The following NOL4L variants were observed in gnomAD, a reference collection of about 807,000 sequenced individuals.
NOL4L encodes the protein nucleolar protein 4 like.
Under a neutral mutation model 64.5 loss-of-function variants are expected in NOL4L, and 7 were observed. That is an observed-to-expected ratio of 0.11 (90% CI 0.06 to 0.20). NOL4L has a LOEUF of 0.20. Ranked by LOEUF, NOL4L falls within the 10% of genes least tolerant of loss-of-function variation. The pLI, the probability that NOL4L is intolerant of heterozygous loss-of-function variation, is 1.00. For missense variants in NOL4L, 680 were observed against 967.1 expected (o/e 0.70, Z 3.94); for synonymous variants, 413 against 401.0 (o/e 1.03, Z -0.36).
At position 32,553,693 on chromosome 20, in the gene NOL4L, G is replaced by A. The variant is rs114321772; in HGVS notation, c.322-25780C>T. ...TAGCACCAAGAACAGATCAATGCACGTTGTAGGTGCTCAGAAATATTTGTC... is the reference window on the plus strand; with the variant it reads ...TAGCACCAAGAACAGATCAATGCACATTGTAGGTGCTCAGAAATATTTGTC... On this transcript the variant is annotated intron_variant, in intron 1 of 10. Coordinates refer to ENST00000621426, the MANE Select transcript of NOL4L (RefSeq NM_001256798.2). Among the ~76,000 whole-genome samples, 341 of 152,338 alleles carry A rather than the reference G, an allele frequency of 2.2e-3. 3 individuals carry two copies. Among genetic ancestry groups the A allele is most frequent in the African/African-American group, 7.7e-3 (322 of 41,566 alleles).
At chr20:32,516,760 G>C (rs2017684304) in intron 3 of NOL4L, among the ~76,000 whole-genome samples, 1 of 152,214 alleles carries the variant, frequency 6.6e-6, no homozygotes, top group Non-Finnish European at 1.5e-5. Context: ...GAGGGATGTG[G>C]AGGGGCCAGG....
rs145338987 is a variant in NOL4L at position 32,471,983 on chromosome 20, C to T, written c.841+2618G>A. 3.3e-4 allele frequency among the ~76,000 whole-genome samples: 51 copies of T among 152,286 alleles called. 1 individual carries two copies. In the East Asian group the frequency reaches 8.9e-3, roughly 27 times the overall value. On this transcript the variant is annotated intron_variant, in intron 5 of 10. Coordinates refer to ENST00000621426, the MANE Select transcript of NOL4L (RefSeq NM_001256798.2). ...ATAAACCTCTTTTCTTTATAAATTACCCAGCCTCAGGTATTCCTTTATAGC... is the reference window on the plus strand; with the variant it reads ...ATAAACCTCTTTTCTTTATAAATTATCCAGCCTCAGGTATTCCTTTATAGC...
chr20:32,491,586 C>A (rs1475679666), intron 4 of NOL4L, among the ~76,000 whole-genome samples: 3 of 152,336 alleles, frequency 2.0e-5, no homozygotes, highest in African/African-American at 7.2e-5. Context: ...ACTCGGGCCC[C>A]TTCCTGCCCA....
chr20:32,448,725 C>G (rs188027654), intron 10 of NOL4L, among the ~76,000 whole-genome samples: 2 of 152,318 alleles, frequency 1.3e-5, no homozygotes, highest in Admixed American at 1.3e-4. Flanking sequence ...AAAGAGGGAG[C>G]CTGCCATCTT....
chr20:32,584,423 G>C (rs1980757288), intron 1 of NOL4L, 147 bp downstream of exon 1: 1 of 595,416 alleles, frequency 1.7e-6, no homozygotes, highest in Non-Finnish European at 2.5e-6. Context: ...CCGGTGAGCA[G>C]GGACGCGTGC....
intron 3 of NOL4L, among the ~76,000 whole-genome samples, chr20:32,517,057 C>T (rs903770594): frequency 1.3e-5 from 2 of 152,202 alleles, no homozygotes; most frequent in Non-Finnish European, 2.9e-5. Flanking sequence ...TCAGGAGGTC[C>T]TGGAATTTCC....
At chr20:32,560,313 C>CT (rs1001019729) in intron 1 of NOL4L, among the ~76,000 whole-genome samples, 2 of 152,162 alleles carry the variant, frequency 1.3e-5, no homozygotes, top group Non-Finnish European at 1.5e-5. Context: ...CACACTTAGG[C>CT]TGAGGAGGGG....
intron 2 of NOL4L, among the ~76,000 whole-genome samples, chr20:32,525,272 C>T (rs996049743): frequency 2.0e-5 from 3 of 152,304 alleles, no homozygotes; most frequent in East Asian, 1.9e-4. Context: ...TGCTGGACAC[C>T]GAAGGGGCCA....
intron 5 of NOL4L, chr20:32,465,276 C>G (rs534108639): frequency 4.8e-6 from 2 of 419,882 alleles, no homozygotes; most frequent in Non-Finnish European, 8.4e-6. Context: ...GGGAAGTCAC[C>G]GACCCATCAC....
At chr20:32,500,239 T>G (rs2016863102) in intron 4 of NOL4L, among the ~76,000 whole-genome samples, 1 of 152,168 alleles carries the variant, frequency 6.6e-6, no homozygotes, top group African/African-American at 2.4e-5. Flanking sequence ...ATACAAAATA[T>G]ATAGAGATGA....
chr20:32,462,883 G>A (rs1286383710), intron 5 of NOL4L, among the ~76,000 whole-genome samples: 1 of 115,866 alleles, frequency 8.6e-6, no homozygotes, highest in Non-Finnish European at 1.7e-5. Context: ...TCAGCCTGGC[G>A]ACAAAGCGAG....
chr20:32,548,806 A>T, intron 1 of NOL4L: 1 of 450,488 alleles, frequency 2.2e-6, no homozygotes, highest in Non-Finnish European at 4.4e-6. Context: ...AGAGCAGAAT[A>T]TCATAAACAA....
chr20:32,574,092 A>G (rs778841366), intron 1 of NOL4L, among the ~76,000 whole-genome samples: 2 of 152,196 alleles, frequency 1.3e-5, no homozygotes, highest in Non-Finnish European at 2.9e-5. Flanking sequence ...AGAAGGGGTC[A>G]GGGATCAAAG....
intron 3 of NOL4L, among the ~76,000 whole-genome samples, chr20:32,514,537 T>G (rs1380898888): frequency 6.6e-6 from 1 of 151,420 alleles, no homozygotes; most frequent in African/African-American, 2.4e-5. Context: ...GCTAAGAAAC[T>G]GGCCTGAAAG....
chr20:32,574,713 G>A (rs1044121266), intron 1 of NOL4L, among the ~76,000 whole-genome samples: 3 of 152,052 alleles, frequency 2.0e-5, no homozygotes, highest in African/African-American at 4.8e-5. Context: ...GGTCCCAGCC[G>A]GGAGGGGAGG....
At chr20:32,452,700 G>C (rs1177949308) in intron 9 of NOL4L, among the ~76,000 whole-genome samples, 184 bp downstream of exon 9, 1 of 152,114 alleles carries the variant, frequency 6.6e-6, no homozygotes, top group Non-Finnish European at 1.5e-5. Flanking sequence ...TATGAGGTCT[G>C]AGGAGCTCTG....
intron 1 of NOL4L, among the ~76,000 whole-genome samples, chr20:32,564,713 T>C (rs1979312528): frequency 6.6e-6 from 1 of 152,238 alleles, no homozygotes; most frequent in African/African-American, 2.4e-5. Flanking sequence ...GTGTGGGCAC[T>C]GGGGAAAGTA....
Position 32,453,274 on chromosome 20 carries a change from GA to G in NOL4L, c.1497+29del. On this transcript the variant is annotated intron_variant, in intron 8 of 10. Transcript: ENST00000621426. This position sits in a 1 kb window ranked among gnomAD's most constrained non-coding sequence, Gnocchi z 5.6. ...CAGGAGGTCAGTAGTGGCACCGAGG[GA>G]AAGTGTGGGCCAGGCAGGGGGGACT... 1 of 1,604,258 alleles carries G rather than the reference GA, an allele frequency of 6.2e-7. No individual in the cohort carries two copies. The highest frequency in any genetic ancestry group is 8.5e-7 in the Non-Finnish European group (1 of 1,173,336).
At chr20:32,518,919 G>A (rs2017800855) in intron 3 of NOL4L, among the ~76,000 whole-genome samples, 1 of 152,248 alleles carries the variant, frequency 6.6e-6, no homozygotes, top group Non-Finnish European at 1.5e-5. Flanking sequence ...GCTCAGGCAT[G>A]CATCGAGGGA....
Sources: gnomAD v4.1 joint callset for allele counts (sites outside exome capture counted in the v4.1 genomes callset) on GRCh38, gnomAD v4.1.1 for gene constraint, Gnocchi (gnomAD v3.1) non-coding constraint, MANE v1.5 for transcripts, NCBI Gene and HGNC (gene_info 2026-07-23, HGNC 2026-07-21) for gene names.